Variants in KNTC1 observed in about 807,000 individuals in gnomAD.
KNTC1 encodes kinetochore-associated protein 1.
KNTC1 carries 253 observed loss-of-function variants against 314.4 expected under a neutral mutation model. The ratio of observed to expected loss-of-function variants is 0.80; its 90% CI spans 0.73 to 0.89. The LOEUF (loss-of-function observed/expected upper bound fraction) is 0.89, where lower values mean the gene tolerates loss of function less well. Among genes scored for constraint, KNTC1 ranks in the 40% least tolerant of loss-of-function variants. The probability of loss-of-function intolerance (pLI) is 0.00; values close to 1 mark genes in which losing one functional copy is unlikely to be tolerated. For missense variants in KNTC1, 2,475 were observed against 2,572.9 expected (o/e 0.96, Z 0.82); for synonymous variants, 901 against 901.4 (o/e 1.00, Z 0.01).
chr12:122,537,978 C>A (rs1023583331), intron 3 of KNTC1, among the ~76,000 whole-genome samples: 5 of 149,234 alleles, frequency 3.4e-5, no homozygotes. Flanking sequence ...ACAAAAAATA[C>A]CAAAAACTAG....
At chr12:122,561,523 G>A (rs1272278277) in intron 18 of KNTC1, among the ~76,000 whole-genome samples, 4 of 151,004 alleles carry the variant, frequency 2.6e-5, no homozygotes, top group Non-Finnish European at 5.9e-5. Flanking sequence ...GTGGGATCTC[G>A]GCTCATGGCA....
Position 122,601,629 on chromosome 12 carries a change from TA to T in KNTC1, c.4653+6del. 6.7e-7 allele frequency: 1 copy of T among 1,486,140 alleles called. No homozygotes were observed. Among genetic ancestry groups the T allele is most frequent in the Non-Finnish European group, 8.9e-7 (1 of 1,121,106 alleles). 92.1% of individuals were successfully genotyped at this position (1,486,140 alleles called of 1,614,324 possible). A position where few individuals can be genotyped will look rare whatever the true frequency, so the allele number is the denominator to read the frequency against. ...AACCAATATTAATATTAATCAGGTA[TA>T]ACAAATATATCAAAGATGTAAAAAT... On this transcript the variant is annotated splice_donor_5th_base_variant and intron_variant, in intron 45 of 63. Coordinates refer to ENST00000333479, the MANE Select transcript of KNTC1 (RefSeq NM_014708.6).
In KNTC1 at chr12:122,602,552, T is replaced by G. The variant is rs754902328; in HGVS notation, c.4654-17T>G. 6.4e-7 allele frequency: 1 copy of G among 1,557,286 alleles called. No individual in the cohort carries two copies. The highest frequency in any genetic ancestry group is 8.8e-7 in the Non-Finnish European group (1 of 1,140,122). Reference sequence around the variant, plus strand: ...TGGGTTACTCTTACTGGACAAAAGTTTTTTATTTTAATATAGGCATTGAGT... The same window carrying G: ...TGGGTTACTCTTACTGGACAAAAGTGTTTTATTTTAATATAGGCATTGAGT... On this transcript the variant is annotated splice_polypyrimidine_tract_variant and intron_variant, in intron 45 of 63. Transcript: ENST00000333479.
At chr12:122,551,769 T>C in intron 16 of KNTC1, 73 bp downstream of exon 16, 2 of 1,054,180 alleles carry the variant, frequency 1.9e-6, no homozygotes, top group Non-Finnish European at 3.0e-6. Context: ...AGGACAGACA[T>C]GTAATATATA....
At chr12:122,573,425 T>C (rs1964823175) in intron 26 of KNTC1, 140 bp downstream of exon 26, 8 of 787,068 alleles carry the variant, frequency 1.0e-5, no homozygotes, top group Non-Finnish European at 1.4e-5. Flanking sequence ...AAAATGTGGG[T>C]TAATTCTGCT....
intron 3 of KNTC1, among the ~76,000 whole-genome samples, chr12:122,536,075 T>A (rs1235769457): frequency 6.7e-6 from 1 of 150,330 alleles, no homozygotes; most frequent in Admixed American, 6.6e-5. Context: ...TTGTATTTTT[T>A]TTTTTTTTTA....
chr12:122,535,656 A>G (rs1961739899), intron 3 of KNTC1, among the ~76,000 whole-genome samples: 2 of 150,454 alleles, frequency 1.3e-5, no homozygotes, highest in Non-Finnish European at 3.0e-5. Context: ...AAACAACAAC[A>G]ACAACAAAAA....
chr12:122,618,606 C>G, intron 59 of KNTC1, 61 bp downstream of exon 59: 1 of 1,206,760 alleles, frequency 8.3e-7, no homozygotes, highest in South Asian at 1.2e-5. Flanking sequence ...AGATTCCCTT[C>G]TAATAGATAT....
chr12:122,563,735 C>T (rs1365964139), intron 20 of KNTC1: 17 of 1,379,452 alleles, frequency 1.2e-5, no homozygotes, highest in Non-Finnish European at 1.5e-5. Context: ...GAAAATGTCA[C>T]CTCTTTAGAA....
At chr12:122,545,918 C>T (rs1962724620) in intron 8 of KNTC1, among the ~76,000 whole-genome samples, 1 of 150,442 alleles carries the variant, frequency 6.6e-6, no homozygotes, top group African/African-American at 2.5e-5. Flanking sequence ...TGCCCTCCAG[C>T]CTGGGCAATG....
At chr12:122,585,834 T>C (rs763288273) in intron 37 of KNTC1, 60 bp downstream of exon 37, 118 of 1,548,786 alleles carry the variant, frequency 7.6e-5, no homozygotes, top group Non-Finnish European at 1.0e-4. Context: ...ATTTAAACTG[T>C]AGAGGTTTGG....
intron 16 of KNTC1, among the ~76,000 whole-genome samples, chr12:122,554,097 A>ATG (rs1376565394): frequency 2.1e-5 from 3 of 143,106 alleles, no homozygotes; most frequent in Non-Finnish European, 4.5e-5. Flanking sequence ...ATATATATAT[A>ATG]TATTTGTATT....
At chr12:122,527,568 C>T (rs1960806575) in intron 1 of KNTC1, 2 of 152,396 alleles carry the variant, frequency 1.3e-5, no homozygotes, top group Admixed American at 1.3e-4. Context: ...ATTCGCGAAT[C>T]TGTTCTGCAT....
intron 39 of KNTC1, 142 bp from the exon 40 acceptor site, chr12:122,588,570 C>A: frequency 1.7e-6 from 1 of 597,448 alleles, no homozygotes; most frequent in Non-Finnish European, 2.7e-6. Flanking sequence ...CAGTCCCCCA[C>A]CCCTTTCTAG....
intron 3 of KNTC1, 30 bp from the exon 4 acceptor site, chr12:122,538,309 A>T (rs766323552): frequency 5.2e-5 from 65 of 1,246,966 alleles, no homozygotes; most frequent in Non-Finnish European, 6.8e-5. Flanking sequence ...TTTTCGAAGG[A>T]AGCTTGTAAC....
chr12:122,569,645 T>A (rs1964564527), intron 21 of KNTC1, 36 bp from the exon 22 acceptor site: 1 of 1,577,702 alleles, frequency 6.3e-7, no homozygotes, highest in Non-Finnish European at 8.6e-7. Context: ...TGGTTTAAAT[T>A]TGTCAGATCT....
At chr12:122,564,927 A>G (rs1964211156) in intron 20 of KNTC1, among the ~76,000 whole-genome samples, 1 of 152,168 alleles carries the variant, frequency 6.6e-6, no homozygotes, top group African/African-American at 2.4e-5. Flanking sequence ...TTGGTGCCAC[A>G]TGGAAGTATA....
At chr12:122,543,735 G>A in intron 7 of KNTC1, 101 bp downstream of exon 7, 1 of 676,926 alleles carries the variant, frequency 1.5e-6, no homozygotes, top group Non-Finnish European at 2.4e-6. Context: ...TGATATTTTA[G>A]AAATTATTAT....
Position 122,621,940 on chromosome 12 carries a change from C to A in KNTC1, c.6339C>A (p.Asn2113Lys). 6.2e-7 allele frequency: 1 copy of A among 1,609,064 alleles called. No homozygotes were observed. The highest frequency in any genetic ancestry group is 8.5e-7 in the Non-Finnish European group (1 of 1,177,578). Residue 2113 changes from asparagine (N) to lysine (K), a missense_variant, in exon 61 of 64, where the codon AAC (asparagine) becomes AAA (lysine). Asn to Lys is a moderately conservative substitution (Grantham distance 94, BLOSUM62 0). Transcript: ENST00000333479. Reference sequence around the variant, plus strand: ...TAAAGCAATTGGAAGAGCATATGAACACGGGCCAGCTAGCAGGATTTTCAC... The same window carrying A: ...TAAAGCAATTGGAAGAGCATATGAAAACGGGCCAGCTAGCAGGATTTTCAC... ...VILKQLEEHM[N>K]TGQLAGFSHQ... is the part of the protein sequence containing the mutation.
Sources: allele counts gnomAD v4.1 joint callset (sites outside exome capture counted in the v4.1 genomes callset), GRCh38; gene constraint gnomAD v4.1.1; transcripts MANE v1.5; gene names NCBI Gene and HGNC (gene_info 2026-07-23, HGNC 2026-07-21).